The following S100Z variants were observed in gnomAD, a reference collection of about 807,000 sequenced individuals.
S100Z encodes the protein protein S100-Z.
S100Z carries 11 observed loss-of-function variants against 8.5 expected under a neutral mutation model. The ratio of observed to expected loss-of-function variants is 1.30; its 90% CI spans 0.82 to 2.15. The LOEUF (loss-of-function observed/expected upper bound fraction) is 2.15. Among genes scored for constraint, S100Z ranks in the 30% most tolerant of loss-of-function variants. The pLI is 0.00. For synonymous variants in S100Z, 34 were observed against 43.8 expected (o/e 0.78, Z 0.89); for missense variants, 126 against 117.9 (o/e 1.07, Z -0.32).
At chr5:76,931,882 C>T in the S100Z span, among the ~76,000 whole-genome samples, 2 of 151,952 alleles carry the variant, frequency 1.3e-5, no homozygotes, top group African/African-American at 4.8e-5. Context: ...CATTCACACA[C>T]ACATAGGAGA....
chr5:76,930,224 G>A, the S100Z span, among the ~76,000 whole-genome samples: 408 of 152,288 alleles, frequency 2.7e-3, 6 homozygotes, highest in African/African-American at 9.1e-3. Flanking sequence ...TCTGTGATGC[G>A]TGTTAGACAG....
the S100Z span, among the ~76,000 whole-genome samples, chr5:76,950,302 T>C: frequency 6.6e-6 from 1 of 152,186 alleles, no homozygotes; most frequent in Non-Finnish European, 1.5e-5. Context: ...AAACATGGCC[T>C]ATAATGTGAC....
intron 4 of S100Z, among the ~76,000 whole-genome samples, chr5:76,907,983 C>T (rs73122049): frequency 0.13 from 19,180 of 151,880 alleles, 3,406 homozygotes; most frequent in African/African-American, 0.4. Flanking sequence ...ACAAAAATAT[C>T]AGTCAGATGT....
At chr5:76,951,749 C>T in the S100Z span, among the ~76,000 whole-genome samples, 1 of 152,130 alleles carries the variant, frequency 6.6e-6, no homozygotes, top group Non-Finnish European at 1.5e-5. Flanking sequence ...GGCCAGTGTC[C>T]ATGAGCTTTA....
Position 76,903,956 on chromosome 5 carries a change from C to T in S100Z, c.*3-16761C>T, listed in dbSNP as rs191774686. On this transcript the variant is annotated intron_variant, in intron 4 of 4. Coordinates refer to ENST00000317593, the MANE Select transcript of S100Z (RefSeq NM_130772.4). ...AGTAGAGACCATGTTAGGCTGGTCT[C>T]GAACTCCTGACCTCATGATCCACAC... is the stretch of plus-strand genomic sequence containing the variant. Among the ~76,000 whole-genome samples the T allele has an allele frequency of 2.0e-4, 31 of 151,724 alleles. No homozygotes were observed. In the East Asian group the frequency reaches 5.3e-3, roughly 26 times the overall value.
At chr5:76,892,334 A>G (rs1217134324) in intron 4 of S100Z, among the ~76,000 whole-genome samples, 1 of 152,206 alleles carries the variant, frequency 6.6e-6, no homozygotes, top group East Asian at 1.9e-4. Flanking sequence ...GATGTCTGCC[A>G]GCTGCTTGCC....
intron 4 of S100Z, among the ~76,000 whole-genome samples, chr5:76,903,250 C>T (rs2150672126): frequency 6.6e-6 from 1 of 152,276 alleles, no homozygotes; most frequent in East Asian, 1.9e-4. Context: ...TGTCTTATCC[C>T]CTAGAGACCA....
rs530114364 is a variant in S100Z, at chr5:76,855,725, T to G, written c.-176+5570T>G. On this transcript the variant is annotated intron_variant, in intron 1 of 4. Transcript: ENST00000317593. ...TTTTGGACTTTGGACTTTGGACTTT[T>G]GAGTTAATGCTGGAATGAGTTAAGA... Among the ~76,000 whole-genome samples the G allele has an allele frequency of 2.0e-5, 3 of 152,334 alleles. No individual in the cohort carries two copies. In the East Asian group the frequency reaches 5.8e-4, roughly 29 times the overall value.
At chr5:76,875,544 T>C (rs752075422) in intron 3 of S100Z, 44 bp downstream of exon 3, 1 of 1,549,610 alleles carries the variant, frequency 6.5e-7, no homozygotes, top group South Asian at 1.2e-5. Context: ...TGAGGGTAGA[T>C]GAGGTGCAGA....
intron 1 of S100Z, among the ~76,000 whole-genome samples, chr5:76,855,414 G>A (rs1243942407): frequency 6.6e-6 from 1 of 152,234 alleles, no homozygotes; most frequent in Non-Finnish European, 1.5e-5. Context: ...AGGCCAAGCT[G>A]CCCAAGGCCT....
At chr5:76,854,626 G>T (rs1332335362) in intron 1 of S100Z, among the ~76,000 whole-genome samples, 1 of 152,182 alleles carries the variant, frequency 6.6e-6, no homozygotes, top group African/African-American at 2.4e-5. Flanking sequence ...ACCAGAAACT[G>T]GAACTTATAT....
chr5:76,904,152 G>T (rs1744337470), intron 4 of S100Z, among the ~76,000 whole-genome samples: 1 of 151,968 alleles, frequency 6.6e-6, no homozygotes, highest in Non-Finnish European at 1.5e-5. Context: ...ATAAATATAA[G>T]ATCTTTGCCA....
At chr5:76,896,163 C>T (rs928304870) in intron 4 of S100Z, among the ~76,000 whole-genome samples, 1 of 152,144 alleles carries the variant, frequency 6.6e-6, no homozygotes, top group African/African-American at 2.4e-5. Flanking sequence ...CATTAATCAT[C>T]CCCACCGTCC....
chr5:76,917,585 T>C (rs1027422301), intron 4 of S100Z, among the ~76,000 whole-genome samples: 15 of 152,096 alleles, frequency 9.9e-5, no homozygotes, highest in Admixed American at 1.3e-4. Flanking sequence ...CCCAGCACTT[T>C]TGGGAAGTGG....
chr5:76,895,656 C>A (rs1744007923), intron 4 of S100Z, among the ~76,000 whole-genome samples: 1 of 151,872 alleles, frequency 6.6e-6, no homozygotes, highest in East Asian at 1.9e-4. Context: ...AATAGGGTAT[C>A]CTTTCCCCCA....
the S100Z span, among the ~76,000 whole-genome samples, chr5:76,947,962 A>G: frequency 2.0e-3 from 298 of 152,314 alleles, 5 homozygotes; most frequent in Admixed American, 0.015. Context: ...CAATGATTTA[A>G]TGGATATGAC....
At chr5:76,888,367 ATTTTTTTTTTTTT>A (rs1171043164) in intron 4 of S100Z, among the ~76,000 whole-genome samples, 2 of 45,426 alleles carry the variant, frequency 4.4e-5, no homozygotes, top group Non-Finnish European at 7.6e-5. Context: ...AAGTGCTGGT[ATTTTTTTTTTTTT>A]TTTTTTTTTT....
At chr5:76,880,698 A>G (rs1743375044) in intron 4 of S100Z, among the ~76,000 whole-genome samples, 1 of 152,238 alleles carries the variant, frequency 6.6e-6, no homozygotes, top group African/African-American at 2.4e-5. Context: ...ACATCCAATT[A>G]CAGAGTGTCC....
chr5:76,863,744 T>C (rs1425231759), intron 1 of S100Z, among the ~76,000 whole-genome samples: 3 of 152,172 alleles, frequency 2.0e-5, no homozygotes, highest in South Asian at 2.1e-4. Flanking sequence ...TTCACCGTGT[T>C]AGCCAGGATG....
Sources: gnomAD v4.1 joint callset for allele counts (sites outside exome capture counted in the v4.1 genomes callset) on GRCh38, gnomAD v4.1.1 for gene constraint, MANE v1.5 for transcripts, NCBI Gene and HGNC (gene_info 2026-07-23, HGNC 2026-07-21) for gene names.